The following FAM114A1 variants were observed in gnomAD, a reference collection of about 807,000 sequenced individuals.
FAM114A1 encodes protein NOXP20.
FAM114A1 carries 62 observed loss-of-function variants against 64.3 expected under a neutral mutation model. The observed-to-expected ratio is 0.96, with a 90% CI of 0.79 to 1.19. FAM114A1 has a LOEUF of 1.19. Ranked by LOEUF, FAM114A1 falls within the 50% of genes most tolerant of loss-of-function variation. The probability of loss-of-function intolerance (pLI) is 0.00; values close to 1 mark genes in which losing one functional copy is unlikely to be tolerated. For synonymous variants in FAM114A1, 254 were observed against 251.1 expected (o/e 1.01, Z -0.11); for missense variants, 645 against 676.3 (o/e 0.95, Z 0.51).
intron 12 of FAM114A1, among the ~76,000 whole-genome samples, chr4:38,934,179 A>T (rs919213253): frequency 3.3e-5 from 5 of 152,208 alleles, no homozygotes; most frequent in African/African-American, 1.2e-4. Flanking sequence ...TGGAAAGAAG[A>T]GGGCCAAAGT....
At chr4:38,924,191 T>C (rs1364866812) in intron 9 of FAM114A1, among the ~76,000 whole-genome samples, 2 of 152,172 alleles carry the variant, frequency 1.3e-5, no homozygotes, top group Non-Finnish European at 1.5e-5. Context: ...AGAGCTGTTG[T>C]AGGGGGTCAT....
chr4:38,940,040 C>T (rs937257120), intron 13 of FAM114A1, among the ~76,000 whole-genome samples: 3 of 152,052 alleles, frequency 2.0e-5, no homozygotes, highest in African/African-American at 4.8e-5. Flanking sequence ...AGGCACCTAC[C>T]ACCATGCCCA....
At position 38,868,385 on chromosome 4, in the gene FAM114A1, C is replaced by T. The variant is rs1403369574; in HGVS notation, c.-157-13C>T. On this transcript the variant is annotated splice_polypyrimidine_tract_variant and intron_variant, in intron 1 of 14. Transcript: ENST00000358869. ...ACCTCCCCGCTCCCCTCGCCTTACT[C>T]CTCCCCCAACAGCCGACCCACGCCC... The T allele has an allele frequency of 6.5e-6, 1 of 152,862 alleles. No homozygotes were observed. The highest frequency in any genetic ancestry group is 1.5e-5 in the Non-Finnish European group (1 of 68,466). 9.5% of individuals were successfully genotyped at this position (152,862 alleles called of 1,614,324 possible).
Position 38,935,800 on chromosome 4 carries a change from C to T in FAM114A1, c.1536+10C>T, listed in dbSNP as rs778753245. 5 of 1,593,172 alleles carry T rather than the reference C, an allele frequency of 3.1e-6. No homozygotes were observed. Among genetic ancestry groups the T allele is most frequent in the African/African-American group, 2.7e-5 (2 of 73,822 alleles). On this transcript the variant is annotated intron_variant, in intron 13 of 14. Transcript: ENST00000358869. ...TTTAACCACTGTTGGGGTAAGATTA[C>T]AGTCTTGAATTTTTTTCACCTTTTT...
chr4:38,943,792 C>G lies in FAM114A1; in HGVS notation c.*235C>G. ...TTCTTTATGTTAATTTAAACTTACA[C>G]AGCTTATATTGAAAATTTCCTTTCA... is the stretch of plus-strand genomic sequence containing the variant. On this transcript the variant is annotated 3_prime_UTR_variant, in exon 15 of 15. Transcript: ENST00000358869. 1 of 359,038 alleles carries G rather than the reference C, an allele frequency of 2.8e-6. No homozygotes were observed. 22.2% of individuals were successfully genotyped at this position (359,038 alleles called of 1,614,324 possible).
chr4:38,875,488 T>C (rs1714523021), intron 2 of FAM114A1, among the ~76,000 whole-genome samples: 1 of 152,236 alleles, frequency 6.6e-6, no homozygotes, highest in Admixed American at 6.5e-5. Flanking sequence ...TATTGGTGTA[T>C]AGAAATGCTA....
chr4:38,929,149 C>A, intron 9 of FAM114A1, 93 bp from the exon 10 acceptor site: 2 of 971,236 alleles, frequency 2.1e-6, no homozygotes, highest in Non-Finnish European at 3.3e-6. Flanking sequence ...TCCACTTAGT[C>A]TACCCCAGCT....
intron 8 of FAM114A1, among the ~76,000 whole-genome samples, chr4:38,922,385 A>T (rs1719684804): frequency 1.3e-5 from 2 of 152,234 alleles, no homozygotes; most frequent in African/African-American, 4.8e-5. Flanking sequence ...AAGGTTAAAT[A>T]AGTTACCGAA....
At chr4:38,893,569 A>G (rs1348838418) in intron 4 of FAM114A1, among the ~76,000 whole-genome samples, 3 of 152,218 alleles carry the variant, frequency 2.0e-5, no homozygotes, top group Non-Finnish European at 2.9e-5. Context: ...GTGCACACTT[A>G]AAGGTGCATC....
Position 38,922,822 on chromosome 4 carries a change from A to G in FAM114A1, c.998A>G (p.Asn333Ser). The G allele has an allele frequency of 7.4e-6, 12 of 1,613,866 alleles. No homozygotes were observed. The highest frequency in any genetic ancestry group is 1.0e-5 in the Non-Finnish European group (12 of 1,179,930). The stretch of plus-strand genomic sequence containing the variant: ...GGAGAGAAGCTGGAACTCTTAAAAA[A>G]TGACCTAATTTCCATTAAAGACATC... ...LDGEKLELLK[N>S]DLISIKDIFA... Residue 333 changes from asparagine (N) to serine (S), a missense_variant, in exon 9 of 15, where the codon AAT becomes AGT. Asn to Ser is a conservative substitution (Grantham distance 46). Transcript: ENST00000358869.
At chr4:38,868,023 C>T in intron 1 of FAM114A1, 189 bp downstream of exon 1, 3 of 420,824 alleles carry the variant, frequency 7.1e-6, no homozygotes, top group African/African-American at 2.1e-5. Flanking sequence ...TCTGGGGCGG[C>T]GCGGCCGAGG....
At chr4:38,900,947 C>CAA (rs11330779) in intron 4 of FAM114A1, among the ~76,000 whole-genome samples, 14 of 140,366 alleles carry the variant, frequency 1.0e-4, no homozygotes, top group African/African-American at 3.7e-4. Flanking sequence ...CATTTTACCA[C>CAA]AAAAAAAAAA....
intron 2 of FAM114A1, among the ~76,000 whole-genome samples, chr4:38,871,762 C>T (rs1579281383): frequency 6.6e-6 from 1 of 152,216 alleles, no homozygotes; most frequent in African/African-American, 2.4e-5. Flanking sequence ...TCCAAGTTCA[C>T]TGATGGAATT....
rs527780984 is a variant in FAM114A1, at chr4:38,905,956, C to T, written c.657+95C>T. 1.4e-4 allele frequency: 148 copies of T among 1,057,778 alleles called. No homozygotes were observed. In the South Asian group the frequency reaches 1.5e-3, roughly 11 times the overall value. The allele number at this position is 1,057,778 out of a possible 1,614,324, so 65.5% of individuals were successfully genotyped here. On this transcript the variant is annotated intron_variant, in intron 6 of 14. Coordinates refer to ENST00000358869, the MANE Select transcript of FAM114A1 (RefSeq NM_138389.4). ...CAGTGACCTAGATACATCAGAGAAA[C>T]GATGGCCTTGCTCAGAACTTTGGAT...
At chr4:38,891,955 A>T in intron 4 of FAM114A1, 125 bp downstream of exon 4, 1 of 738,650 alleles carries the variant, frequency 1.4e-6, no homozygotes, top group Non-Finnish European at 2.0e-6. Flanking sequence ...TTTAGTGCTT[A>T]CTATTCTAAG....
intron 9 of FAM114A1, among the ~76,000 whole-genome samples, chr4:38,927,180 A>G (rs547716888): frequency 2.0e-5 from 3 of 152,236 alleles, no homozygotes; most frequent in African/African-American, 7.2e-5. Flanking sequence ...CCTCTAGCAC[A>G]TTACTCAATT....
At chr4:38,929,456 C>G (rs150774250) in intron 10 of FAM114A1, 123 bp downstream of exon 10, 4 of 726,986 alleles carry the variant, frequency 5.5e-6, no homozygotes, top group Non-Finnish European at 9.1e-6. Context: ...GGCATAGTGC[C>G]GGGAGAGGAG....
intron 5 of FAM114A1, 38 bp from the exon 6 acceptor site, chr4:38,905,717 C>A (rs774048175): frequency 6.2e-7 from 1 of 1,607,606 alleles, no homozygotes; most frequent in Non-Finnish European, 8.5e-7. Context: ...TTCAGATCAG[C>A]GACGTGAACT....
At chr4:38,940,890 C>G in intron 13 of FAM114A1, 78 bp from the exon 14 acceptor site, 1 of 1,433,406 alleles carries the variant, frequency 7.0e-7, no homozygotes. Context: ...CTCAACAAAG[C>G]TAGTGTATTA....
Sources: allele counts gnomAD v4.1 joint callset (sites outside exome capture counted in the v4.1 genomes callset), GRCh38; gene constraint gnomAD v4.1.1; transcripts MANE v1.5; gene names NCBI Gene and HGNC (gene_info 2026-07-23, HGNC 2026-07-21).